Variants in MRGPRE observed in about 807,000 individuals in gnomAD.
MRGPRE encodes mas-related G protein-coupled receptor member E.
For synonymous variants in MRGPRE, 229 were observed against 206.7 expected (o/e 1.11, Z -0.92); for missense variants, 466 against 433.4 (o/e 1.08, Z -0.67).
chr11:3,228,656 C>T lies in MRGPRE; in HGVS notation c.144G>A (p.Leu48=). The change falls in exon 2 of 2, where the codon CTG becomes CTA. Residue 48 remains leucine (L), a synonymous_variant. Coordinates refer to ENST00000389832, the MANE Select transcript of MRGPRE (RefSeq NM_001039165.4). ...GLLGNGAVLW[L]LSSNVYRNPF... ...GGTTTCTGTAGACATTGGAGCTGAG[C>T]AGCCAGAGGACTGCCCCATTCCCCA... 5.6e-6 allele frequency: 9 copies of T among 1,614,114 alleles called. No homozygotes were observed. Among genetic ancestry groups the T allele is most frequent in the Non-Finnish European group, 7.6e-6 (9 of 1,180,022 alleles).
Position 3,230,878 on chromosome 11 carries a change from C to T in MRGPRE, c.-62+1263G>A, listed in dbSNP as rs1029101257. Among the ~76,000 whole-genome samples, 1 of 151,966 alleles carries T rather than the reference C, an allele frequency of 6.6e-6. No individual in the cohort carries two copies. The highest frequency in any genetic ancestry group is 1.5e-5 in the Non-Finnish European group (1 of 67,960). On this transcript the variant is annotated intron_variant, in intron 1 of 1. Coordinates refer to ENST00000389832, the MANE Select transcript of MRGPRE (RefSeq NM_001039165.4). The surrounding 1 kb of genome is among the most constrained non-coding windows in gnomAD (Gnocchi z 5.5). ...CTGGGCCAGCATCATCAGGAGGACA[C>T]CCTGAGTGGGGCAGACGGGGCATCA...
In MRGPRE at chr11:3,225,338, G is replaced by A. The variant is rs983487212; in HGVS notation, c.*2523C>T. Among the ~76,000 whole-genome samples the A allele has an allele frequency of 5.3e-5, 8 of 151,630 alleles. No individual in the cohort carries two copies. Among genetic ancestry groups the A allele is most frequent in the East Asian group, 3.9e-4 (2 of 5,178 alleles). ...TTCTTGGGAATTCTGTGCTGACCGC[G>A]GCAGCCCCGCAGGGGCCCGGGGTTG... On this transcript the variant is annotated 3_prime_UTR_variant, in exon 2 of 2. Coordinates refer to ENST00000389832, the MANE Select transcript of MRGPRE (RefSeq NM_001039165.4).
rs749434530 is a variant in MRGPRE at position 3,226,763 on chromosome 11, C to T, written c.*1098G>A. Among the ~76,000 whole-genome samples, 7 of 152,336 alleles carry T rather than the reference C, an allele frequency of 4.6e-5. No individual in the cohort carries two copies. Among genetic ancestry groups the T allele is most frequent in the East Asian group, 1.9e-4 (1 of 5,178 alleles). The stretch of plus-strand genomic sequence containing the variant: ...TGTGTGGCGTTGGTGGCAGTAGAAT[C>T]GACAGACATTTCTCTTGGGCTCACG... On this transcript the variant is annotated 3_prime_UTR_variant, in exon 2 of 2. Coordinates refer to ENST00000389832, the MANE Select transcript of MRGPRE (RefSeq NM_001039165.4).
In MRGPRE at chr11:3,228,127, G is replaced by A. The variant is rs1319071097; in HGVS notation, c.673C>T (p.Leu225Phe). Residue 225 changes from leucine (L) to phenylalanine (F), a missense_variant, in exon 2 of 2, where the codon CTC becomes TTC. Transcript: ENST00000389832. The stretch of plus-strand genomic sequence containing the variant: ...AAGGGCAGGCCGCAGAAGAGGAAGA[G>A]GAGGACGGTGAGGAGGATGAGCCCA... The part of the protein sequence containing the change: ...FPGLILLTVL[L>F]FLFCGLPFGI... The A allele has an allele frequency of 6.3e-7, 1 of 1,588,884 alleles. No individual in the cohort carries two copies. Among genetic ancestry groups the A allele is most frequent in the Non-Finnish European group, 8.6e-7 (1 of 1,168,194 alleles).
In MRGPRE at chr11:3,228,066, T is replaced by C; in HGVS notation, c.734A>G (p.Tyr245Cys). 1 of 1,608,042 alleles carries C rather than the reference T, an allele frequency of 6.2e-7. No individual in the cohort carries two copies. Among genetic ancestry groups the C allele is most frequent in the Non-Finnish European group, 8.5e-7 (1 of 1,177,694 alleles). The change falls in exon 2 of 2, where the codon TAC (tyrosine) becomes TGC (cysteine). Residue 245 changes from tyrosine to cysteine, a missense_variant. Coordinates refer to ENST00000389832, the MANE Select transcript of MRGPRE (RefSeq NM_001039165.4). ...IYWLSRNLLW[Y>C]IPHYFYHFSF... is the part of the protein sequence containing the mutation. The stretch of plus-strand genomic sequence containing the variant: ...GAAGTGGTAGAAGTAGTGGGGGATG[T>C]ACCAGAGCAGGTTCCGGGACAGCCA...
chr11:3,228,700 G>A lies in MRGPRE; in HGVS notation c.100C>T (p.Leu34Phe), dbSNP rs1237382119. ...TTCCCCAGCAGCCCACCGAGGCCGAGCCCCTCGGTGAGGGACAGGATGATG... is the reference window on the plus strand; with the variant it reads ...TTCCCCAGCAGCCCACCGAGGCCGAACCCCTCGGTGAGGGACAGGATGATG... ...NLIILSLTEG[L>F]GLGGLLGNGA... Residue 34 changes from leucine (L) to phenylalanine (F), a missense_variant, in exon 2 of 2, where the codon CTC (leucine) becomes TTC (phenylalanine). Leu to Phe is a conservative substitution (Grantham distance 22, BLOSUM62 0). Coordinates refer to ENST00000389832, the MANE Select transcript of MRGPRE (RefSeq NM_001039165.4). 2 of 1,614,000 alleles carry A rather than the reference G, an allele frequency of 1.2e-6. No individual in the cohort carries two copies. The highest frequency in any genetic ancestry group is 1.3e-5 in the African/African-American group (1 of 75,054).
rs1190424740 is a variant in MRGPRE, at chr11:3,232,252, C to G, written c.-173G>C. 2 of 152,420 alleles carry G rather than the reference C, an allele frequency of 1.3e-5. No individual in the cohort carries two copies. The highest frequency in any genetic ancestry group is 2.9e-5 in the Non-Finnish European group (2 of 68,234). The allele number at this position is 152,420 out of a possible 1,614,324, so 9.4% of individuals were successfully genotyped here. On this transcript the variant is annotated 5_prime_UTR_variant, in exon 1 of 2. Transcript: ENST00000389832. Reference sequence around the variant, plus strand: ...CCAGAGCCTCTGGGCGGCTCCTGTTCAGTGTCCACCAGCTCCTCCGAGTCA... The same window carrying G: ...CCAGAGCCTCTGGGCGGCTCCTGTTGAGTGTCCACCAGCTCCTCCGAGTCA...
chr11:3,227,226 G>T lies in MRGPRE; in HGVS notation c.*635C>A, dbSNP rs1590770362. 1.3e-5 allele frequency among the ~76,000 whole-genome samples: 2 copies of T among 152,270 alleles called. No individual in the cohort carries two copies. The highest frequency in any genetic ancestry group is 4.8e-5 in the African/African-American group (2 of 41,560). On this transcript the variant is annotated 3_prime_UTR_variant, in exon 2 of 2. Coordinates refer to ENST00000389832, the MANE Select transcript of MRGPRE (RefSeq NM_001039165.4). ...CCTCCTAATATCCAGGGACACCCATGGGGCCGGCTTTTCTGAAGCTCCGAG... is the reference window on the plus strand; with the variant it reads ...CCTCCTAATATCCAGGGACACCCATTGGGCCGGCTTTTCTGAAGCTCCGAG...
In MRGPRE at chr11:3,228,742, C is replaced by A. The variant is rs200284450; in HGVS notation, c.58G>T (p.Asp20Tyr). 5.6e-4 allele frequency: 910 copies of A among 1,613,530 alleles called. 2 individuals are homozygous for A. Among genetic ancestry groups the A allele is most frequent in the Middle Eastern group, 3.0e-3 (18 of 6,062 alleles). Residue 20 changes from aspartate (D) to tyrosine (Y), a missense_variant, in exon 2 of 2, where the codon GAT (aspartate) becomes TAT (tyrosine). Transcript: ENST00000389832. ...HVGAANGAQEDVAFNLIILSL... is the reference protein window; with the variant it reads ...HVGAANGAQEYVAFNLIILSL... The stretch of plus-strand genomic sequence containing the variant: ...AGGATGATGAGGTTGAAGGCCACAT[C>A]CTCCTGGGCGCCGTTGGCGGCCCCC...
chr11:3,228,939 T>G, intron 1 of MRGPRE, 79 bp from the exon 2 acceptor site: 1 of 693,262 alleles, frequency 1.4e-6, no homozygotes, highest in Admixed American at 3.0e-5. Flanking sequence ...AGATGAGAGT[T>G]GGGTGGGTGA....
Position 3,229,212 on chromosome 11 carries a change from C to CTT in MRGPRE, c.-61-354_-61-353dup, listed in dbSNP as rs60799467. Among the ~76,000 whole-genome samples the CTT allele has an allele frequency of 5.8e-3, 733 of 126,280 alleles. 95 individuals are homozygous for CTT. Among genetic ancestry groups the CTT allele is most frequent in the East Asian group, 0.02 (83 of 4,186 alleles). 82.8% of individuals were successfully genotyped at this position (126,280 alleles called of 152,430 possible). Reference sequence around the variant, plus strand: ...GTGGTGCCTTGATCCTCAGAATGGGCTTTTTTTTTTTTTTTTTTTTTTTTT... The same window carrying CTT: ...GTGGTGCCTTGATCCTCAGAATGGGCTTTTTTTTTTTTTTTTTTTTTTTTTTT... On this transcript the variant is annotated intron_variant, in intron 1 of 1. Coordinates refer to ENST00000389832, the MANE Select transcript of MRGPRE (RefSeq NM_001039165.4). This position sits in a 1 kb window ranked among gnomAD's most constrained non-coding sequence, Gnocchi z 4.4.
chr11:3,225,820 G>A lies in MRGPRE; in HGVS notation c.*2041C>T, dbSNP rs1488003604. Among the ~76,000 whole-genome samples, 1 of 152,250 alleles carries A rather than the reference G, an allele frequency of 6.6e-6. No individual in the cohort carries two copies. The highest frequency in any genetic ancestry group is 2.4e-5 in the African/African-American group (1 of 41,472). ...ACATTTCCCGGACTCCTCGAGAAGG[G>A]GCTAATAAGGAGGAATCTAGAGCCA... On this transcript the variant is annotated 3_prime_UTR_variant, in exon 2 of 2. Coordinates refer to ENST00000389832, the MANE Select transcript of MRGPRE (RefSeq NM_001039165.4).
chr11:3,230,059 G>A lies in MRGPRE; in HGVS notation c.-61-1199C>T, dbSNP rs1401100981. Among the ~76,000 whole-genome samples, 1 of 152,208 alleles carries A rather than the reference G, an allele frequency of 6.6e-6. No individual in the cohort carries two copies. Among genetic ancestry groups the A allele is most frequent in the Non-Finnish European group, 1.5e-5 (1 of 68,038 alleles). The stretch of plus-strand genomic sequence containing the variant: ...CACAGCTTTGCCAGAAATACAGCAA[G>A]TAATAGACTCTAGGAGACTGCCAGG... On this transcript the variant is annotated intron_variant, in intron 1 of 1. Coordinates refer to ENST00000389832, the MANE Select transcript of MRGPRE (RefSeq NM_001039165.4). This position sits in a 1 kb window ranked among gnomAD's most constrained non-coding sequence, Gnocchi z 5.5.
In MRGPRE at chr11:3,226,210, G is replaced by A. The variant is rs974498631; in HGVS notation, c.*1651C>T. The A allele has an allele frequency of 6.6e-6, 1 of 152,332 alleles. No individual in the cohort carries two copies. Among genetic ancestry groups the A allele is most frequent in the Non-Finnish European group, 1.5e-5 (1 of 68,108 alleles). 9.4% of individuals were successfully genotyped at this position (152,332 alleles called of 1,614,324 possible). ...GAGGTCATGTCCGTGAGATGAATCTGTGCTTTTCCTCCTGGTTCTTCCTTG... is the reference window on the plus strand; with the variant it reads ...GAGGTCATGTCCGTGAGATGAATCTATGCTTTTCCTCCTGGTTCTTCCTTG... On this transcript the variant is annotated 3_prime_UTR_variant, in exon 2 of 2. Transcript: ENST00000389832.
Position 3,228,849 on chromosome 11 carries a change from C to CA in MRGPRE, c.-51_-50insT. On this transcript the variant is annotated 5_prime_UTR_variant, in exon 2 of 2. It adds an upstream start codon to the 5' untranslated region. Coordinates refer to ENST00000389832, the MANE Select transcript of MRGPRE (RefSeq NM_001039165.4). ...CAGGAGTGTGTTCTGCTCGCTCTCT[C>CA]TCCTGATGCCCCTGTAAACCACAAC... 1 of 1,440,870 alleles carries CA rather than the reference C, an allele frequency of 6.9e-7. No individual in the cohort carries two copies. Among genetic ancestry groups the CA allele is most frequent in the South Asian group, 1.3e-5 (1 of 77,032 alleles). 89.3% of individuals were successfully genotyped at this position (1,440,870 alleles called of 1,614,324 possible). A position where few individuals can be genotyped will look rare whatever the true frequency, so the allele number is the denominator to read the frequency against.
chr11:3,230,600 T>G lies in MRGPRE; in HGVS notation c.-62+1541A>C, dbSNP rs1847818764. Among the ~76,000 whole-genome samples the G allele has an allele frequency of 6.6e-6, 1 of 150,568 alleles. No homozygotes were observed. The highest frequency in any genetic ancestry group is 1.5e-5 in the Non-Finnish European group (1 of 67,584). ...GGTCTTTTGTTTGACTGGGGTGAAATGACAGCCTGAGGTTGTCCCCGCCTC... is the reference window on the plus strand; with the variant it reads ...GGTCTTTTGTTTGACTGGGGTGAAAGGACAGCCTGAGGTTGTCCCCGCCTC... On this transcript the variant is annotated intron_variant, in intron 1 of 1. Transcript: ENST00000389832. The surrounding 1 kb of genome is among the most constrained non-coding windows in gnomAD (Gnocchi z 5.5).
At chr11:3,228,918 C>T (rs1304191115) in intron 1 of MRGPRE, 58 bp from the exon 2 acceptor site, 27 of 800,938 alleles carry the variant, frequency 3.4e-5, no homozygotes, top group Non-Finnish European at 4.1e-5. Context: ...TGCTCCTCCC[C>T]ACATCAGGGG....
chr11:3,225,975 G>T lies in MRGPRE; in HGVS notation c.*1886C>A, dbSNP rs370090720. The T allele has an allele frequency of 6.6e-6, 1 of 152,634 alleles. No individual in the cohort carries two copies. Among genetic ancestry groups the T allele is most frequent in the African/African-American group, 2.4e-5 (1 of 41,582 alleles). 9.5% of individuals were successfully genotyped at this position (152,634 alleles called of 1,614,324 possible). A position where few individuals can be genotyped will look rare whatever the true frequency, so the allele number is the denominator to read the frequency against. ...GATGGGGCCAGGGTTGGGGGAGCCA[G>T]TGTGGGGCTGAGGACACCTGAGCCA... On this transcript the variant is annotated 3_prime_UTR_variant, in exon 2 of 2. Transcript: ENST00000389832.
chr11:3,229,354 G>A lies in MRGPRE; in HGVS notation c.-61-494C>T, dbSNP rs1026698380. ...GATTCTCCTGTCTCAGCCTCCCGAA[G>A]AGCTGGGATTACAGGCGTGCATCAC... On this transcript the variant is annotated intron_variant, in intron 1 of 1. Transcript: ENST00000389832. This position sits in a 1 kb window ranked among gnomAD's most constrained non-coding sequence, Gnocchi z 4.4. Among the ~76,000 whole-genome samples the A allele has an allele frequency of 6.6e-6, 1 of 151,468 alleles. No homozygotes were observed. The highest frequency in any genetic ancestry group is 6.6e-5 in the Admixed American group (1 of 15,186).
Sources: gnomAD v4.1 joint callset for allele counts (sites outside exome capture counted in the v4.1 genomes callset) on GRCh38, gnomAD v4.1.1 for gene constraint, Gnocchi (gnomAD v3.1) non-coding constraint, MANE v1.5 for transcripts, NCBI Gene and HGNC (gene_info 2026-07-23, HGNC 2026-07-21) for gene names.